Variants in UBR3 observed in about 807,000 individuals in gnomAD.
UBR3 encodes the protein E3 ubiquitin-protein ligase UBR3.
Under a neutral mutation model 243.2 loss-of-function variants are expected in UBR3, and 85 were observed. That is an observed-to-expected ratio of 0.35 (90% CI 0.29 to 0.42). The LOEUF (loss-of-function observed/expected upper bound fraction) is 0.42. Among genes scored for constraint, UBR3 ranks in the 10% least tolerant of loss-of-function variants. The pLI, the probability that UBR3 is intolerant of heterozygous loss-of-function variation, is 1.00. For missense variants in UBR3, 1,686 were observed against 2,300.8 expected (o/e 0.73, Z 5.47); for synonymous variants, 748 against 799.8 (o/e 0.94, Z 1.09).
chr2:169,855,950 G>A (rs1388434357), intron 1 of UBR3, among the ~76,000 whole-genome samples: 4 of 142,438 alleles, frequency 2.8e-5, no homozygotes, highest in African/African-American at 1.1e-4. Context: ...CCCACCTCCC[G>A]GACGGGGCGG....
chr2:170,015,953 A>G lies in UBR3; in HGVS notation c.4453+587A>G, dbSNP rs2090223269. Among the ~76,000 whole-genome samples, 3 of 151,882 alleles carry G rather than the reference A, an allele frequency of 2.0e-5. No homozygotes were observed. The South Asian group carries it at 6.2e-4, about 31-fold the overall frequency. ...TGCTATCATTTTTTAGTCATTGTTT[A>G]GAGAATTAATGTGCATAGTAGGAAT... On this transcript the variant is annotated intron_variant, in intron 30 of 38. Coordinates refer to ENST00000272793, the MANE Select transcript of UBR3 (RefSeq NM_172070.4).
Position 169,846,205 on chromosome 2 carries a change from T to A in UBR3, c.545+18153T>A. 1.3e-5 allele frequency among the ~76,000 whole-genome samples: 2 copies of A among 152,222 alleles called. 1 individual carries two copies. The highest frequency in any genetic ancestry group is 4.8e-5 in the African/African-American group (2 of 41,458). ...ATTTGTCTCTATTTCCTTGAAGTTG[T>A]CAATTTTTGCTGCTTGTATTTTGGA... is the stretch of plus-strand genomic sequence containing the variant. On this transcript the variant is annotated intron_variant, in intron 1 of 38. Coordinates refer to ENST00000272793, the MANE Select transcript of UBR3 (RefSeq NM_172070.4).
chr2:169,998,312 A>T (rs755961943), intron 26 of UBR3, among the ~76,000 whole-genome samples: 3 of 152,154 alleles, frequency 2.0e-5, no homozygotes, highest in Non-Finnish European at 2.9e-5. Context: ...TTTTGCAGCC[A>T]GAGTAATTAT....
chr2:169,861,011 G>A (rs758811664), intron 1 of UBR3, among the ~76,000 whole-genome samples: 8 of 152,176 alleles, frequency 5.3e-5, no homozygotes, highest in Non-Finnish European at 8.8e-5. Flanking sequence ...ATGTTCAAGG[G>A]CAGGATGCAT....
At chr2:169,878,657 G>A (rs1479259116) in intron 5 of UBR3, 83 bp downstream of exon 5, 1 of 1,219,836 alleles carries the variant, frequency 8.2e-7, no homozygotes, top group Non-Finnish European at 1.2e-6. Flanking sequence ...CTTCTTTATA[G>A]TTCTGAAACT....
chr2:170,061,014 T>C, intron 33 of UBR3, 65 bp from the exon 34 acceptor site: 2 of 1,105,992 alleles, frequency 1.8e-6, no homozygotes, highest in Non-Finnish European at 2.5e-6. Flanking sequence ...CATTAAAAAT[T>C]ATTTCCAATG....
intron 24 of UBR3, among the ~76,000 whole-genome samples, chr2:169,960,591 T>G (rs548014635): frequency 1.6e-4 from 25 of 152,220 alleles, no homozygotes; most frequent in African/African-American, 5.8e-4. Flanking sequence ...TTTTACATGT[T>G]TAATATAATT....
At chr2:170,051,179 G>C (rs907087875) in intron 32 of UBR3, among the ~76,000 whole-genome samples, 2 of 151,758 alleles carry the variant, frequency 1.3e-5, no homozygotes, top group African/African-American at 4.8e-5. Context: ...CTGAATCCAT[G>C]GATGAGGAGC....
intron 31 of UBR3, among the ~76,000 whole-genome samples, chr2:170,033,577 ACCC>A (rs1559204530): frequency 1.1e-3 from 45 of 39,450 alleles, no homozygotes; most frequent in South Asian, 2.4e-3. Flanking sequence ...GTTTTTCCAC[ACCC>A]ACCCCCCCCC....
intron 23 of UBR3, among the ~76,000 whole-genome samples, chr2:169,955,759 A>G (rs1400619870): frequency 8.1e-6 from 1 of 123,532 alleles, no homozygotes; most frequent in East Asian, 3.0e-4. Context: ...GTGCCACTGC[A>G]CTCCAGCTTG....
intron 10 of UBR3, among the ~76,000 whole-genome samples, chr2:169,911,729 C>G (rs887084719): frequency 1.1e-4 from 17 of 152,228 alleles, no homozygotes; most frequent in South Asian, 2.1e-4. Flanking sequence ...AATGGTACCT[C>G]ATTGCCCAAA....
rs1357746432 is a variant in UBR3, at chr2:169,827,469, G to A, written c.-39G>A. 1 of 1,220,696 alleles carries A rather than the reference G, an allele frequency of 8.2e-7. No homozygotes were observed. The highest frequency in any genetic ancestry group is 1.0e-6 in the Non-Finnish European group (1 of 980,830). The allele number at this position is 1,220,696 out of a possible 1,614,324, so 75.6% of individuals were successfully genotyped here. A position where few individuals can be genotyped will look rare whatever the true frequency, so the allele number is the denominator to read the frequency against. ...CTATTCCCTCACTCTCCCTGGAGGA[G>A]CCGCTGGCCCTGGACTCTCCAAATT... On this transcript the variant is annotated 5_prime_UTR_variant, in exon 1 of 39. Coordinates refer to ENST00000272793, the MANE Select transcript of UBR3 (RefSeq NM_172070.4).
chr2:169,831,139 T>A (rs1329402588), intron 1 of UBR3, among the ~76,000 whole-genome samples: 3,300 of 93,990 alleles, frequency 0.035, 138 homozygotes, highest in Non-Finnish European at 0.057. Context: ...TTTTTTTTTT[T>A]TTTTTTTTTT....
intron 11 of UBR3, among the ~76,000 whole-genome samples, chr2:169,914,457 A>G (rs1482388032): frequency 6.6e-6 from 1 of 152,188 alleles, no homozygotes; most frequent in Non-Finnish European, 1.5e-5. Flanking sequence ...GTTTCAGTTG[A>G]ATATATAAAA....
At chr2:169,967,356 G>C (rs940018009) in intron 24 of UBR3, among the ~76,000 whole-genome samples, 8 of 151,026 alleles carry the variant, frequency 5.3e-5, no homozygotes, top group Admixed American at 4.7e-4. Flanking sequence ...CTGATGGTTG[G>C]TTGAGTGCTT....
At chr2:170,024,453 G>T (rs2090475755) in intron 30 of UBR3, among the ~76,000 whole-genome samples, 1 of 151,300 alleles carries the variant, frequency 6.6e-6, no homozygotes, top group Admixed American at 6.6e-5. Flanking sequence ...ATTTTTGAAA[G>T]ATTTCAACAT....
chr2:170,021,782 T>G (rs1045236719), intron 30 of UBR3, among the ~76,000 whole-genome samples: 1 of 152,180 alleles, frequency 6.6e-6, no homozygotes, highest in African/African-American at 2.4e-5. Context: ...CATGAAAATT[T>G]AAGTTAGAGG....
chr2:169,888,340 TAC>T (rs2084193516), intron 5 of UBR3, among the ~76,000 whole-genome samples: 1 of 151,136 alleles, frequency 6.6e-6, no homozygotes, highest in African/African-American at 2.4e-5. Context: ...GGTTTCAACA[TAC>T]AGGTCAGGCT....
At chr2:169,906,910 T>TCCA (rs2085031484) in intron 10 of UBR3, among the ~76,000 whole-genome samples, 1 of 152,188 alleles carries the variant, frequency 6.6e-6, no homozygotes, top group South Asian at 2.1e-4. Flanking sequence ...GAAGCTGTCT[T>TCCA]CCATCTACCA....
Sources: allele counts gnomAD v4.1 joint callset (sites outside exome capture counted in the v4.1 genomes callset), GRCh38; gene constraint gnomAD v4.1.1; transcripts MANE v1.5; gene names NCBI Gene and HGNC (gene_info 2026-07-23, HGNC 2026-07-21).